GPR160: variants seen among roughly 807,000 people sequenced by gnomAD.
GPR160 encodes G protein-coupled receptor 160, also known as probable G protein-coupled receptor 160.
GPR160 carries 2 observed loss-of-function variants against 2.6 expected under a neutral mutation model. The observed-to-expected ratio is 0.77, with a 90% CI of 0.32 to 2.44. The LOEUF is 2.44. Among genes scored for constraint, GPR160 ranks in the 30% most tolerant of loss-of-function variants. GPR160 has a pLI of 0.11. For synonymous variants in GPR160, 130 were observed against 132.2 expected, an observed-to-expected ratio of 0.98 and a Z score of 0.12; for missense variants, 351 against 383.6, an observed-to-expected ratio of 0.91 and a Z score of 0.71.
chr3:170,039,341 C>G (rs1387816438), intron 2 of GPR160, among the ~76,000 whole-genome samples: 2 of 152,148 alleles, frequency 1.3e-5, no homozygotes, highest in Non-Finnish European at 2.9e-5. Flanking sequence ...AGTTTCAAAA[C>G]GATTTAAGAG....
intron 2 of GPR160, among the ~76,000 whole-genome samples, chr3:170,039,592 C>A (rs1341565166): frequency 6.6e-6 from 1 of 152,092 alleles, no homozygotes; most frequent in African/African-American, 2.4e-5. Context: ...CCTGTAATCC[C>A]GGCTACTCGG....
At chr3:170,065,262 T>C (rs1712266251) in intron 2 of GPR160, among the ~76,000 whole-genome samples, 1 of 152,234 alleles carries the variant, frequency 6.6e-6, no homozygotes, top group African/African-American at 2.4e-5. Context: ...CTGTCTGCTT[T>C]TTTTTCTATA....
intron 2 of GPR160, chr3:170,057,163 CA>C (rs2108322263): frequency 6.6e-6 from 1 of 152,192 alleles, no homozygotes; most frequent in East Asian, 1.9e-4. Flanking sequence ...AAAGGGTAAC[CA>C]AATAAGTATA....
chr3:170,083,781 T>C lies in GPR160; in HGVS notation c.-68-124T>C, dbSNP rs1315226468. The C allele has an allele frequency of 1.4e-5, 6 of 418,918 alleles. No individual in the cohort carries two copies. The Admixed American group carries it at 1.6e-4, about 12-fold the overall frequency. The allele number at this position is 418,918 out of a possible 1,614,324, so 26.0% of individuals were successfully genotyped here. A position where few individuals can be genotyped will look rare whatever the true frequency, so the allele number is the denominator to read the frequency against. On this transcript the variant is annotated intron_variant, in intron 3 of 3. Coordinates refer to ENST00000355897, the MANE Select transcript of GPR160 (RefSeq NM_014373.3). ...GTATTCTATTAAGTATTATGTGACA[T>C]ATAATTCTTATTCATATATTTATTT...
At chr3:170,079,031 C>G (rs571434944) in intron 2 of GPR160, among the ~76,000 whole-genome samples, 1 of 152,138 alleles carries the variant, frequency 6.6e-6, no homozygotes, top group East Asian at 1.9e-4. Flanking sequence ...TGTCCAGAAA[C>G]CGACCTTTGA....
intron 2 of GPR160, among the ~76,000 whole-genome samples, chr3:170,040,808 C>T (rs1448168062): frequency 6.6e-6 from 1 of 152,202 alleles, no homozygotes; most frequent in Non-Finnish European, 1.5e-5. Context: ...TGAGAGAGAG[C>T]TTAGCTGTGT....
chr3:170,077,568 TATCTTAA>T (rs1278743462), intron 2 of GPR160: 1 of 152,166 alleles, frequency 6.6e-6, no homozygotes, highest in Non-Finnish European at 1.5e-5. Context: ...TAGGAGAATT[TATCTTAA>T]ATAGGCTTGT....
intron 3 of GPR160, among the ~76,000 whole-genome samples, chr3:170,082,060 T>C (rs1026812752): frequency 6.6e-6 from 1 of 152,242 alleles, no homozygotes; most frequent in Admixed American, 6.5e-5. Context: ...GTGACCTATT[T>C]TTAGGCAAAT....
chr3:170,070,856 T>C (rs1004991826), intron 2 of GPR160, among the ~76,000 whole-genome samples: 1 of 152,226 alleles, frequency 6.6e-6, no homozygotes, highest in Admixed American at 6.5e-5. Flanking sequence ...TCCAGGTTTT[T>C]ACTTTTATAT....
chr3:170,056,943 G>A (rs192058195), intron 2 of GPR160, among the ~76,000 whole-genome samples: 1 of 152,280 alleles, frequency 6.6e-6, no homozygotes, highest in Non-Finnish European at 1.5e-5. Context: ...CTGAAAGTAG[G>A]CAAATGATAC....
At chr3:170,042,029 G>T (rs1716473238) in intron 2 of GPR160, among the ~76,000 whole-genome samples, 1 of 152,086 alleles carries the variant, frequency 6.6e-6, no homozygotes, top group Non-Finnish European at 1.5e-5. Context: ...AAAGCAAATG[G>T]CTCCCTTGTT....
At chr3:170,052,494 CT>C (rs1717000787) in intron 2 of GPR160, among the ~76,000 whole-genome samples, 1 of 152,010 alleles carries the variant, frequency 6.6e-6, no homozygotes, top group Non-Finnish European at 1.5e-5. Flanking sequence ...TGTTGAGTAC[CT>C]TTTTGTTTGC....
rs1273362053 is a variant in GPR160, at chr3:170,084,267, C to CA, written c.298dup (p.Ile100AsnfsTer27). On this transcript the variant is annotated frameshift_variant, in exon 4 of 4. Coordinates refer to ENST00000355897, the MANE Select transcript of GPR160 (RefSeq NM_014373.3). LOFTEE classifies it low-confidence loss of function (END_TRUNC). ...TAAATACCACATCTGCCTATTTACT[C>CA]AAATTATTTCCTTTACTTATGGCTT... 1.2e-6 allele frequency: 2 copies of CA among 1,608,600 alleles called. No individual in the cohort carries two copies. Among genetic ancestry groups the CA allele is most frequent in the Non-Finnish European group, 1.7e-6 (2 of 1,175,764 alleles).
chr3:170,075,500 C>G (rs1712806628), intron 2 of GPR160, among the ~76,000 whole-genome samples: 2 of 152,300 alleles, frequency 1.3e-5, no homozygotes, highest in South Asian at 4.1e-4. Flanking sequence ...ATTTCTTGCT[C>G]ATACTATACA....
At chr3:170,059,250 A>T (rs1171787176) in intron 2 of GPR160, among the ~76,000 whole-genome samples, 2 of 152,240 alleles carry the variant, frequency 1.3e-5, no homozygotes, top group Non-Finnish European at 2.9e-5. Context: ...ACTAAAAATA[A>T]TGAAAACAAA....
intron 2 of GPR160, among the ~76,000 whole-genome samples, chr3:170,060,793 GA>G (rs1434356883): frequency 2.6e-5 from 4 of 151,896 alleles, no homozygotes; most frequent in East Asian, 1.9e-4. Context: ...ATAATAAAAA[GA>G]AAAAGAAATA....
At chr3:170,067,906 C>T (rs1474403000) in intron 2 of GPR160, among the ~76,000 whole-genome samples, 1 of 152,148 alleles carries the variant, frequency 6.6e-6, no homozygotes, top group Non-Finnish European at 1.5e-5. Flanking sequence ...TGATTCAGCT[C>T]AGTATATCCC....
intron 2 of GPR160, among the ~76,000 whole-genome samples, chr3:170,064,278 C>A (rs1203378017): frequency 1.3e-5 from 2 of 152,192 alleles, no homozygotes; most frequent in Admixed American, 6.5e-5. Flanking sequence ...TTGTCAGACA[C>A]CCACGGCTCC....
At chr3:170,059,115 G>T (rs1711800936) in intron 2 of GPR160, among the ~76,000 whole-genome samples, 1 of 152,068 alleles carries the variant, frequency 6.6e-6, no homozygotes, top group Non-Finnish European at 1.5e-5. Flanking sequence ...ATGATAGGGG[G>T]TGGGTGGATA....
Sources: allele counts gnomAD v4.1 joint callset (sites outside exome capture counted in the v4.1 genomes callset), GRCh38; gene constraint gnomAD v4.1.1; transcripts MANE v1.5; gene names NCBI Gene and HGNC (gene_info 2026-07-23, HGNC 2026-07-21).